Variants in NELL1 observed in about 807,000 individuals in gnomAD.
NELL1 encodes the protein protein kinase C-binding protein NELL1.
In NELL1, 76 loss-of-function variants were observed where a neutral mutation model predicts 107.4. The ratio of observed to expected loss-of-function variants is 0.71; its 90% CI spans 0.59 to 0.86. NELL1 has a LOEUF of 0.86. Ranked by LOEUF, NELL1 falls within the 40% of genes least tolerant of loss-of-function variation. The probability of loss-of-function intolerance (pLI) is 0.00; values close to 1 mark genes in which losing one functional copy is unlikely to be tolerated. For missense variants in NELL1, 1,024 were observed against 1,005.5 expected (o/e 1.02, Z -0.25); for synonymous variants, 353 against 341.2 (o/e 1.03, Z -0.38).
intron 2 of NELL1, among the ~76,000 whole-genome samples, chr11:20,691,109 C>T (rs1854453635): frequency 6.6e-6 from 1 of 151,800 alleles, no homozygotes; most frequent in Non-Finnish European, 1.5e-5. Flanking sequence ...TATAAGAATG[C>T]TTGTGATTTT....
intron 15 of NELL1, among the ~76,000 whole-genome samples, chr11:21,425,668 A>C (rs1455036469): frequency 6.6e-6 from 1 of 152,210 alleles, no homozygotes; most frequent in African/African-American, 2.4e-5. Context: ...CAGGCCTGCC[A>C]ATCTATTTTA....
chr11:21,155,278 C>G (rs113719120), intron 13 of NELL1, among the ~76,000 whole-genome samples: 291 of 152,100 alleles, frequency 1.9e-3, no homozygotes, highest in African/African-American at 6.5e-3. Flanking sequence ...AGATTGGGTC[C>G]AAACTTTAGA....
intron 15 of NELL1, among the ~76,000 whole-genome samples, chr11:21,487,025 T>C (rs1854651280): frequency 1.3e-5 from 2 of 152,038 alleles, no homozygotes; most frequent in Admixed American, 6.6e-5. Flanking sequence ...GACAAAGAGA[T>C]AATGAAGGGG....
At chr11:20,955,417 T>C (rs1370815939) in intron 11 of NELL1, among the ~76,000 whole-genome samples, 2 of 152,186 alleles carry the variant, frequency 1.3e-5, no homozygotes. Context: ...ATATATGACA[T>C]AGTGAGAAGC....
At chr11:20,825,599 T>G in intron 3 of NELL1, among the ~76,000 whole-genome samples, 1 of 151,372 alleles carries the variant, frequency 6.6e-6, no homozygotes, top group East Asian at 1.9e-4. Flanking sequence ...CTCTTTGTTT[T>G]TGCTAATTTC....
chr11:20,938,298 A>T (rs566507711), intron 10 of NELL1, among the ~76,000 whole-genome samples: 3 of 152,312 alleles, frequency 2.0e-5, no homozygotes, highest in African/African-American at 7.2e-5. Flanking sequence ...AATAAGATGT[A>T]TAAGATCATA....
At chr11:21,343,059 T>A (rs1343893154) in intron 14 of NELL1, among the ~76,000 whole-genome samples, 1 of 152,098 alleles carries the variant, frequency 6.6e-6, no homozygotes, top group Non-Finnish European at 1.5e-5. Flanking sequence ...GCCTCCTAAG[T>A]CTAACAGCTT....
At chr11:20,944,985 T>C (rs1284440522) in intron 10 of NELL1, among the ~76,000 whole-genome samples, 1 of 152,176 alleles carries the variant, frequency 6.6e-6, no homozygotes, top group Non-Finnish European at 1.5e-5. Flanking sequence ...ACTTATACAA[T>C]TTGGAATATA....
At chr11:21,455,889 A>C (rs1167383673) in intron 15 of NELL1, among the ~76,000 whole-genome samples, 1 of 93,944 alleles carries the variant, frequency 1.1e-5, no homozygotes, top group Non-Finnish European at 2.3e-5. Flanking sequence ...TTTTTTTTTT[A>C]AGTTTTGTTT....
intron 3 of NELL1, among the ~76,000 whole-genome samples, chr11:20,786,535 A>G (rs1262510748): frequency 1.3e-5 from 2 of 151,982 alleles, no homozygotes; most frequent in Admixed American, 1.3e-4. Context: ...GTGTGTTGGC[A>G]GTGGAGGGTA....
intron 13 of NELL1, among the ~76,000 whole-genome samples, chr11:21,227,425 A>G (rs59406893): frequency 0.14 from 21,002 of 152,202 alleles, 1,732 homozygotes; most frequent in Middle Eastern, 0.22. Context: ...AGTTACCCCT[A>G]TTAAAACGTT....
chr11:20,928,245 G>A (rs991928422), intron 8 of NELL1, 132 bp from the exon 9 acceptor site: 1 of 813,090 alleles, frequency 1.2e-6, no homozygotes, highest in African/African-American at 1.7e-5. Flanking sequence ...TGTGGTCCTG[G>A]AGTGGACTGG....
At chr11:21,263,001 TA>T (rs1373077247) in intron 14 of NELL1, among the ~76,000 whole-genome samples, 10 of 151,964 alleles carry the variant, frequency 6.6e-5, no homozygotes, top group Admixed American at 2.6e-4. Flanking sequence ...CTTTATCTTG[TA>T]ACCCTTTTCA....
chr11:21,085,806 CA>C (rs1854378065), intron 12 of NELL1, among the ~76,000 whole-genome samples: 1 of 151,998 alleles, frequency 6.6e-6, no homozygotes, highest in Non-Finnish European at 1.5e-5. Context: ...GTAGAAGAAC[CA>C]GAAGAAAAAA....
At chr11:20,769,770 C>A (rs573367027) in intron 2 of NELL1, among the ~76,000 whole-genome samples, 108 of 152,240 alleles carry the variant, frequency 7.1e-4, no homozygotes, top group South Asian at 3.7e-3. Flanking sequence ...CGGAGCCCCC[C>A]ACTTGTGCCT....
At chr11:21,185,104 T>G (rs1184258273) in intron 13 of NELL1, among the ~76,000 whole-genome samples, 1 of 151,618 alleles carries the variant, frequency 6.6e-6, no homozygotes, top group Non-Finnish European at 1.5e-5. Context: ...CCATCTATAC[T>G]TCCATCCTTC....
At chr11:21,321,878 A>G (rs1024113995) in intron 14 of NELL1, among the ~76,000 whole-genome samples, 7 of 152,246 alleles carry the variant, frequency 4.6e-5, no homozygotes, top group Admixed American at 2.0e-4. Flanking sequence ...TTTATAGTCC[A>G]GCAGGATTTG....
intron 2 of NELL1, among the ~76,000 whole-genome samples, chr11:20,699,222 C>T (rs1444707897): frequency 6.6e-6 from 1 of 150,562 alleles, no homozygotes; most frequent in East Asian, 1.9e-4. Flanking sequence ...GTCTCAAAAA[C>T]AAACAAAAAA....
intron 2 of NELL1, among the ~76,000 whole-genome samples, chr11:20,727,831 C>T (rs958328725): frequency 5.3e-5 from 8 of 152,220 alleles, no homozygotes; most frequent in East Asian, 1.9e-4. Flanking sequence ...CCAGTTTTCC[C>T]GGAACCTCAA....
Sources: gnomAD v4.1 joint callset for allele counts (sites outside exome capture counted in the v4.1 genomes callset) on GRCh38, gnomAD v4.1.1 for gene constraint, MANE v1.5 for transcripts, NCBI Gene and HGNC (gene_info 2026-07-23, HGNC 2026-07-21) for gene names.